Variants in MICAL3 observed in about 807,000 individuals in gnomAD.
The protein encoded by MICAL3 is microtubule associated monooxygenase, calponin and LIM domain containing 3, also known as [F-actin]-monooxygenase MICAL3.
MICAL3 carries 62 observed loss-of-function variants against 207.4 expected under a neutral mutation model. The ratio of observed to expected loss-of-function variants is 0.30; its 90% CI spans 0.24 to 0.37. MICAL3 has a LOEUF of 0.37. MICAL3 is among the 10% of genes least tolerant of loss of function. The pLI is 1.00. For synonymous variants in MICAL3, 1,077 were observed against 1,069.3 expected (o/e 1.01, Z -0.14); for missense variants, 2,368 against 2,635.6 (o/e 0.90, Z 2.22).
At chr22:17,792,678 TGTTCAACAA>T (rs1261167626) in intron 29 of MICAL3, among the ~76,000 whole-genome samples, 2 of 152,194 alleles carry the variant, frequency 1.3e-5, no homozygotes, top group African/African-American at 4.8e-5. Context: ...AAATGCACCA[TGTTCAACAA>T]GCAGGGGTTA....
At chr22:17,877,567 G>GGGAGGTTAGGGAAGTTAT (rs1928961994) in intron 16 of MICAL3, among the ~76,000 whole-genome samples, 1 of 131,502 alleles carries the variant, frequency 7.6e-6, no homozygotes, top group Admixed American at 7.8e-5. Flanking sequence ...ATGGAGGTTA[G>GGGAGGTTAGGGAAGTTAT]GGAGGTTAGG....
chr22:17,928,886 C>T (rs1302098860), intron 1 of MICAL3, among the ~76,000 whole-genome samples: 4 of 152,238 alleles, frequency 2.6e-5, no homozygotes, highest in Admixed American at 2.6e-4. Context: ...GCTCCACCTC[C>T]CGGGTTCACG....
intron 19 of MICAL3, among the ~76,000 whole-genome samples, chr22:17,859,365 C>T (rs1926267205): frequency 6.6e-6 from 1 of 152,174 alleles, no homozygotes; most frequent in Admixed American, 6.5e-5. Flanking sequence ...GGTGCAGACT[C>T]GGGGCTGAGT....
At chr22:17,879,210 T>C (rs1305803200) in intron 16 of MICAL3, 2 of 654,682 alleles carry the variant, frequency 3.1e-6, no homozygotes, top group East Asian at 5.8e-5. Context: ...TTCTGGCTCT[T>C]GGCTGGGTGA....
chr22:18,020,767 A>T (rs1387022136), intron 1 of MICAL3, among the ~76,000 whole-genome samples: 1 of 151,588 alleles, frequency 6.6e-6, no homozygotes, highest in Non-Finnish European at 1.5e-5. Flanking sequence ...TACAAAAATT[A>T]GCCGGGTATG....
chr22:17,821,635 T>G, intron 24 of MICAL3, 126 bp from the exon 25 acceptor site: 2 of 758,260 alleles, frequency 2.6e-6, no homozygotes, highest in Non-Finnish European at 2.2e-6. Flanking sequence ...CGGCTCCCAG[T>G]TCTCCTGGAA....
At chr22:17,928,451 AG>A (rs55801504) in intron 1 of MICAL3, among the ~76,000 whole-genome samples, 1 of 147,776 alleles carries the variant, frequency 6.8e-6, no homozygotes, top group African/African-American at 2.5e-5. Context: ...AAAAAAAGAA[AG>A]AAAGAAAGAA....
chr22:17,906,063 G>C (rs959743136), intron 2 of MICAL3, among the ~76,000 whole-genome samples: 1 of 152,172 alleles, frequency 6.6e-6, no homozygotes, highest in Non-Finnish European at 1.5e-5. Flanking sequence ...GTTCAGACAG[G>C]ATACCAGCAG....
At position 17,831,996 on chromosome 22, in the gene MICAL3, G is replaced by A. The variant is rs1922860024; in HGVS notation, c.2913C>T (p.Ala971=). ...VPWKEAVRIH[A]LLKGKSEEEL... is the part of the protein sequence containing the mutation. ...CCTCTTCACTTTTCCCTTTCAGAAG[G>A]GCATGGATCCGCACGGCCTCCTTCC... The change falls in exon 21 of 32, where the codon GCC becomes GCT. Residue 971 remains alanine (A), a synonymous_variant. Transcript: ENST00000441493. The A allele has an allele frequency of 6.2e-7, 1 of 1,605,770 alleles. No individual in the cohort carries two copies. The highest frequency in any genetic ancestry group is 2.2e-5 in the East Asian group (1 of 44,696).
intron 1 of MICAL3, among the ~76,000 whole-genome samples, chr22:18,008,903 G>A (rs956012118): frequency 5.9e-4 from 90 of 151,632 alleles, no homozygotes; most frequent in African/African-American, 1.9e-3. Context: ...CAGCCTGGGC[G>A]ACACAGCGAG....
intron 19 of MICAL3, chr22:17,864,517 G>C: frequency 7.0e-7 from 1 of 1,433,216 alleles, no homozygotes; most frequent in Non-Finnish European, 9.1e-7. Flanking sequence ...TCACCAGGGC[G>C]GGTGATGGGA....
At chr22:18,023,154 C>T (rs1285050638) in intron 1 of MICAL3, among the ~76,000 whole-genome samples, 1 of 150,530 alleles carries the variant, frequency 6.6e-6, no homozygotes, top group Non-Finnish European at 1.5e-5. Context: ...TGGTGGGTGG[C>T]CATCTTAGCT....
At chr22:17,945,838 A>G (rs943133799) in intron 1 of MICAL3, among the ~76,000 whole-genome samples, 3 of 152,138 alleles carry the variant, frequency 2.0e-5, no homozygotes, top group African/African-American at 7.2e-5. Context: ...AGACTGAGAC[A>G]AAAGGGATGA....
At position 17,801,448 on chromosome 22, in the gene MICAL3, C is replaced by T. The variant is rs148068422; in HGVS notation, c.5650+7396G>A. 0.027 allele frequency among the ~76,000 whole-genome samples: 1,387 copies of T among 51,242 alleles called. 547 individuals are homozygous for T. In the African/African-American group the frequency reaches 0.29, roughly 11 times the overall value. The allele number at this position is 51,242 out of a possible 152,430, so 33.6% of individuals were successfully genotyped here. A position where few individuals can be genotyped will look rare whatever the true frequency, so the allele number is the denominator to read the frequency against. On this transcript the variant is annotated intron_variant, in intron 29 of 31. Coordinates refer to ENST00000441493, the MANE Select transcript of MICAL3 (RefSeq NM_015241.3). ...GATTACAGGCGTGAGCCACCGCGCC[C>T]GGCCTCCTGAGTTTCCTTTTTCTAT...
At chr22:17,825,383 C>A (rs1369117825) in intron 22 of MICAL3, among the ~76,000 whole-genome samples, 1 of 151,928 alleles carries the variant, frequency 6.6e-6, no homozygotes, top group Non-Finnish European at 1.5e-5. Context: ...CTAGAAGCTG[C>A]CACGCAGGTT....
At chr22:17,834,021 C>A (rs1448466387) in intron 20 of MICAL3, among the ~76,000 whole-genome samples, 2 of 152,202 alleles carry the variant, frequency 1.3e-5, no homozygotes, top group Non-Finnish European at 2.9e-5. Context: ...TCAGTGAGTT[C>A]TGCGAGCTCT....
chr22:17,806,532 C>A (rs1211893976), intron 29 of MICAL3, among the ~76,000 whole-genome samples: 2 of 151,358 alleles, frequency 1.3e-5, no homozygotes, highest in Non-Finnish European at 2.9e-5. Context: ...CCTGAGATTT[C>A]CAAGTAAGCT....
At chr22:17,969,484 TAAAA>T (rs1935304813) in intron 1 of MICAL3, among the ~76,000 whole-genome samples, 3 of 152,232 alleles carry the variant, frequency 2.0e-5, no homozygotes, top group African/African-American at 7.2e-5. Flanking sequence ...ATCTGGAGAT[TAAAA>T]TGAGAACTCC....
At chr22:17,948,809 A>T (rs1934192584) in intron 1 of MICAL3, among the ~76,000 whole-genome samples, 1 of 149,926 alleles carries the variant, frequency 6.7e-6, no homozygotes, top group African/African-American at 2.5e-5. Context: ...GCTACTTGGG[A>T]GGCTGAGGTG....
Sources: allele counts gnomAD v4.1 joint callset (sites outside exome capture counted in the v4.1 genomes callset), GRCh38; gene constraint gnomAD v4.1.1; transcripts MANE v1.5; gene names NCBI Gene and HGNC (gene_info 2026-07-23, HGNC 2026-07-21).